CTPS1: variants seen among roughly 807,000 people sequenced by gnomAD.
CTPS1 encodes the protein CTP synthetase 1.
CTPS1 carries 25 observed loss-of-function variants against 80.5 expected under a neutral mutation model. The observed-to-expected ratio is 0.31, with a 90% CI of 0.23 to 0.43. The LOEUF is 0.43. Ranked by LOEUF, CTPS1 falls within the 20% of genes least tolerant of loss-of-function variation. The probability of loss-of-function intolerance (pLI) is 1.00; values close to 1 mark genes in which losing one functional copy is unlikely to be tolerated. For missense variants in CTPS1, 442 were observed against 725.7 expected, an observed-to-expected ratio of 0.61 and a Z score of 4.49; for synonymous variants, 267 against 252.5, an observed-to-expected ratio of 1.06 and a Z score of -0.54.
intron 12 of CTPS1, among the ~76,000 whole-genome samples, chr1:41,004,531 G>A (rs1216682791): frequency 1.3e-5 from 2 of 152,184 alleles, no homozygotes; most frequent in African/African-American, 4.8e-5. Flanking sequence ...TAGGTGCTTT[G>A]GTGATGAGCT....
intron 5 of CTPS1, among the ~76,000 whole-genome samples, chr1:40,989,226 C>T (rs193006488): frequency 2.0e-5 from 3 of 152,306 alleles, no homozygotes; most frequent in East Asian, 1.9e-4. Flanking sequence ...CTTTTTCCTA[C>T]AGTGCACAGT....
intron 11 of CTPS1, 38 bp downstream of exon 11, chr1:41,002,292 G>A: frequency 6.5e-7 from 1 of 1,550,270 alleles, no homozygotes; most frequent in South Asian, 1.1e-5. Flanking sequence ...CTTAAGAGTA[G>A]GAAAGAGTGG....
intron 1 of CTPS1, chr1:40,980,294 C>T (rs1287898435): frequency 1.3e-5 from 2 of 151,964 alleles, no homozygotes; most frequent in Non-Finnish European, 2.9e-5. Context: ...CCTCCGGCCT[C>T]GGCGCGGGCT....
At chr1:40,996,260 C>G in intron 8 of CTPS1, 192 bp downstream of exon 8, 1 of 636,234 alleles carries the variant, frequency 1.6e-6, no homozygotes, top group Non-Finnish European at 2.7e-6. Context: ...TGAGGAGATC[C>G]TGATAGGGCC....
At chr1:41,001,008 C>T (rs1175884861) in intron 9 of CTPS1, 21 bp from the exon 10 acceptor site, 2 of 1,547,206 alleles carry the variant, frequency 1.3e-6, no homozygotes, top group Middle Eastern at 3.4e-4. Context: ...TGCTTTTCTC[C>T]CCTGTCTGAA....
chr1:40,991,763 A>G lies in CTPS1; in HGVS notation c.640-2A>G. The G allele has an allele frequency of 6.2e-7, 1 of 1,610,626 alleles. No homozygotes were observed. Among genetic ancestry groups the G allele is most frequent in the Non-Finnish European group, 8.5e-7 (1 of 1,176,786 alleles). On this transcript the variant is annotated splice_acceptor_variant, in intron 6 of 18. Transcript: ENST00000650070. LOFTEE classifies it high-confidence loss of function. ...CTAAGCCATCTTGTTCTCTACTGCT[A>G]GGTTGTATGCAGGTGCTCAAATCCA...
At chr1:40,999,980 G>A (rs561932099) in intron 9 of CTPS1, among the ~76,000 whole-genome samples, 1 of 151,874 alleles carries the variant, frequency 6.6e-6, no homozygotes. Context: ...CGAGACCCCC[G>A]TCTCTGCAAA....
Position 41,001,023 on chromosome 1 carries a change from A to G in CTPS1, c.1006-6A>G. The stretch of plus-strand genomic sequence containing the variant: ...TGCTTTTCTCCCCTGTCTGAATAAC[A>G]TCCAGTACATAGATTCTGCGGACTT... On this transcript the variant is annotated splice_polypyrimidine_tract_variant and splice_region_variant and intron_variant, in intron 9 of 18. Transcript: ENST00000650070. The G allele has an allele frequency of 6.2e-7, 1 of 1,604,224 alleles. No homozygotes were observed. The highest frequency in any genetic ancestry group is 8.5e-7 in the Non-Finnish European group (1 of 1,176,466).
rs1398498528 is a variant in CTPS1 at position 41,002,025 on chromosome 1, A to G, written c.1095-135A>G. The G allele has an allele frequency of 3.9e-6, 3 of 765,884 alleles. No individual in the cohort carries two copies. In the African/African-American group the frequency reaches 5.2e-5, roughly 13 times the overall value. The allele number at this position is 765,884 out of a possible 1,614,324, so 47.4% of individuals were successfully genotyped here. ...TCTAAGTTGATAGTGTTTACATACA[A>G]TTCATTGTCACAGTAGCACAATGTA... On this transcript the variant is annotated intron_variant, in intron 10 of 18. Coordinates refer to ENST00000650070, the MANE Select transcript of CTPS1 (RefSeq NM_001905.4).
At chr1:40,990,013 T>C (rs1194113122) in intron 5 of CTPS1, among the ~76,000 whole-genome samples, 1 of 152,042 alleles carries the variant, frequency 6.6e-6, no homozygotes, top group Non-Finnish European at 1.5e-5. Flanking sequence ...AACACAGAAA[T>C]GGAGGTATAA....
intron 3 of CTPS1, among the ~76,000 whole-genome samples, chr1:40,986,671 A>G (rs894299106): frequency 6.6e-6 from 1 of 152,204 alleles, no homozygotes; most frequent in Non-Finnish European, 1.5e-5. Context: ...GGAACTTGCC[A>G]TCTGTGCCCA....
At chr1:40,983,486 T>C (rs2148385794) in intron 2 of CTPS1, 30 bp downstream of exon 2, 1 of 1,563,968 alleles carries the variant, frequency 6.4e-7, no homozygotes, top group Admixed American at 1.8e-5. Context: ...TCATAATAAT[T>C]GCATGTGGCA....
At chr1:41,010,095 AC>A (rs1387324870) in intron 17 of CTPS1, 65 bp from the exon 18 acceptor site, 2 of 1,106,430 alleles carry the variant, frequency 1.8e-6, no homozygotes, top group Non-Finnish European at 2.7e-6. Context: ...AACCGTGGTT[AC>A]AAAAACAGGG....
intron 5 of CTPS1, among the ~76,000 whole-genome samples, chr1:40,990,958 G>A (rs1402091453): frequency 6.6e-6 from 1 of 152,150 alleles, no homozygotes; most frequent in Non-Finnish European, 1.5e-5. Flanking sequence ...GGGAGAGTGG[G>A]TGAGGGCCGA....
intron 9 of CTPS1, among the ~76,000 whole-genome samples, chr1:40,999,278 T>C (rs1642838751): frequency 6.6e-6 from 1 of 152,156 alleles, no homozygotes; most frequent in African/African-American, 2.4e-5. Context: ...AATTGGAGGC[T>C]GTCTGGAGAC....
At chr1:40,998,462 G>A (rs61780431) in intron 9 of CTPS1, among the ~76,000 whole-genome samples, 22,423 of 149,066 alleles carry the variant, frequency 0.15, 2,148 homozygotes, top group Non-Finnish European at 0.21. Flanking sequence ...TCAGATTCTA[G>A]CTCTGTCATC....
chr1:41,006,704 A>G (rs1441854560), intron 13 of CTPS1, among the ~76,000 whole-genome samples: 1 of 152,214 alleles, frequency 6.6e-6, no homozygotes, highest in African/African-American at 2.4e-5. Context: ...TGTAAAGGGA[A>G]GGGCACTTAT....
At chr1:41,004,438 C>T (rs77866749) in intron 12 of CTPS1, among the ~76,000 whole-genome samples, 2,277 of 152,222 alleles carry the variant, frequency 0.015, 19 homozygotes, top group Middle Eastern at 0.044. Context: ...TCTTATCACC[C>T]GCCACCCCAG....
At chr1:40,980,415 TCCCGGCG>T (rs924393248) in intron 1 of CTPS1, 7 of 152,324 alleles carry the variant, frequency 4.6e-5, no homozygotes, top group African/African-American at 1.7e-4. Flanking sequence ...CTTCCTCCCT[TCCCGGCG>T]GCCGGGGGTC....
Sources: gnomAD v4.1 joint callset for allele counts (sites outside exome capture counted in the v4.1 genomes callset) on GRCh38, gnomAD v4.1.1 for gene constraint, MANE v1.5 for transcripts, NCBI Gene and HGNC (gene_info 2026-07-23, HGNC 2026-07-21) for gene names.